Variants in RNF217 observed in about 807,000 individuals in gnomAD.
RNF217 encodes the protein ring finger protein 217.
RNF217 carries 31 observed loss-of-function variants against 57.8 expected under a neutral mutation model. That is an observed-to-expected ratio of 0.54 (90% confidence interval 0.40 to 0.72). RNF217 has a LOEUF of 0.72. Among genes scored for constraint, RNF217 ranks in the 30% least tolerant of loss-of-function variants. The probability of loss-of-function intolerance (pLI) is 0.00; values close to 1 mark genes in which losing one functional copy is unlikely to be tolerated. For missense variants in RNF217, 696 were observed against 708.3 expected (o/e 0.98, Z 0.20); for synonymous variants, 313 against 294.0 (o/e 1.06, Z -0.66).
chr6:125,064,837 C>T (rs960915502), intron 3 of RNF217, among the ~76,000 whole-genome samples: 2 of 151,340 alleles, frequency 1.3e-5, no homozygotes, highest in South Asian at 2.1e-4. Flanking sequence ...TGTGTATGTA[C>T]GTGTGTATAT....
At chr6:124,990,105 T>C (rs1326665388) in intron 1 of RNF217, among the ~76,000 whole-genome samples, 2 of 152,224 alleles carry the variant, frequency 1.3e-5, no homozygotes, top group Non-Finnish European at 2.9e-5. Flanking sequence ...TATCACTCTA[T>C]CCTCCTTGAA....
At chr6:124,994,601 A>G (rs888611858) in intron 1 of RNF217, among the ~76,000 whole-genome samples, 1 of 152,136 alleles carries the variant, frequency 6.6e-6, no homozygotes, top group African/African-American at 2.4e-5. Context: ...TTGGAGAAAA[A>G]AAAGTTAGTT....
intron 3 of RNF217, among the ~76,000 whole-genome samples, chr6:125,060,458 A>G (rs2114594597): frequency 1.3e-5 from 2 of 151,992 alleles, no homozygotes; most frequent in East Asian, 3.9e-4. Flanking sequence ...TTATTTATTT[A>G]TTTTGAGACA....
chr6:124,975,568 C>T (rs1783925703), intron 1 of RNF217, among the ~76,000 whole-genome samples: 1 of 152,078 alleles, frequency 6.6e-6, no homozygotes, highest in African/African-American at 2.4e-5. Flanking sequence ...ATAGCTGGGA[C>T]TATAGGCGTG....
intron 3 of RNF217, among the ~76,000 whole-genome samples, chr6:125,062,646 G>A (rs867725423): frequency 5.3e-5 from 8 of 151,818 alleles, no homozygotes; most frequent in East Asian, 1.9e-4. Context: ...GTGCTATCTC[G>A]GCTCACTGCA....
intron 1 of RNF217, among the ~76,000 whole-genome samples, chr6:124,969,915 G>C (rs1659216519): frequency 6.6e-6 from 1 of 152,124 alleles, no homozygotes; most frequent in South Asian, 2.1e-4. Context: ...TTTTTGAGAA[G>C]AGATCTTCAT....
chr6:125,021,388 C>T (rs895216455), intron 1 of RNF217, among the ~76,000 whole-genome samples: 2 of 151,800 alleles, frequency 1.3e-5, no homozygotes, highest in African/African-American at 4.8e-5. Context: ...GCCTCAGCCT[C>T]CCAAGTAGCT....
At chr6:125,035,853 G>T (rs1324238589) in intron 1 of RNF217, among the ~76,000 whole-genome samples, 1 of 145,298 alleles carries the variant, frequency 6.9e-6, no homozygotes, top group Non-Finnish European at 1.5e-5. Flanking sequence ...TTTTGTTTTT[G>T]TTTGTTTGTT....
chr6:125,082,573 A>G (rs377062378), intron 5 of RNF217: 2 of 1,609,316 alleles, frequency 1.2e-6, no homozygotes, highest in Non-Finnish European at 1.7e-6. Context: ...TGTGAGTATC[A>G]TAGTGTGCAA....
chr6:124,970,687 A>T (rs991337334), intron 1 of RNF217, among the ~76,000 whole-genome samples: 1 of 152,162 alleles, frequency 6.6e-6, no homozygotes, highest in Non-Finnish European at 1.5e-5. Context: ...TCACCTGTGG[A>T]GGGAGTGTCA....
At chr6:125,072,332 G>A (rs1188883840) in intron 3 of RNF217, among the ~76,000 whole-genome samples, 8 of 152,000 alleles carry the variant, frequency 5.3e-5, no homozygotes, top group Admixed American at 6.6e-5. Context: ...AATTTTTTCC[G>A]TGATTATGTG....
intron 1 of RNF217, among the ~76,000 whole-genome samples, chr6:125,036,041 G>A (rs528626944): frequency 2.4e-4 from 36 of 151,958 alleles, no homozygotes; most frequent in Non-Finnish European, 4.7e-4. Context: ...AGCCCCGCAT[G>A]CGATAGTTAT....
intron 3 of RNF217, among the ~76,000 whole-genome samples, chr6:125,072,603 CAG>C (rs1788190568): frequency 2.0e-5 from 3 of 152,040 alleles, no homozygotes; most frequent in African/African-American, 7.2e-5. Context: ...ATATTACAAA[CAG>C]ATATAAAATT....
intron 1 of RNF217, among the ~76,000 whole-genome samples, chr6:125,039,096 T>A (rs1159045421): frequency 6.6e-6 from 1 of 152,046 alleles, no homozygotes; most frequent in Non-Finnish European, 1.5e-5. Context: ...TGAGAACATG[T>A]GATGTTTGGT....
intron 1 of RNF217, among the ~76,000 whole-genome samples, chr6:124,982,694 T>G (rs2115018886): frequency 6.6e-6 from 1 of 152,340 alleles, no homozygotes; most frequent in East Asian, 1.9e-4. Context: ...AAACAATTGC[T>G]TTATGTGCCT....
At chr6:125,045,532 A>G in intron 2 of RNF217, 88 bp downstream of exon 2, 1 of 912,816 alleles carries the variant, frequency 1.1e-6, no homozygotes, top group South Asian at 1.7e-5. Flanking sequence ...TTAAGGGGGC[A>G]TCTTTCCTTT....
chr6:125,017,538 A>G (rs1371205464), intron 1 of RNF217, among the ~76,000 whole-genome samples: 1 of 152,234 alleles, frequency 6.6e-6, no homozygotes, highest in African/African-American at 2.4e-5. Flanking sequence ...AGGATAACCT[A>G]TCTTGGGGAA....
chr6:124,996,329 ATAAT>A (rs1416421200), intron 1 of RNF217, among the ~76,000 whole-genome samples: 1 of 151,772 alleles, frequency 6.6e-6, no homozygotes, highest in Non-Finnish European at 1.5e-5. Flanking sequence ...ATTTTTGAAG[ATAAT>A]TTATGTTTTC....
intron 2 of RNF217, chr6:125,046,730 G>T (rs967476687): frequency 1.1e-5 from 5 of 454,384 alleles, no homozygotes; most frequent in Non-Finnish European, 2.2e-5. Context: ...GCTTTGAGGG[G>T]ACCATGGTTT....
Sources: allele counts gnomAD v4.1 joint callset (sites outside exome capture counted in the v4.1 genomes callset), GRCh38; gene constraint gnomAD v4.1.1; transcripts MANE v1.5; gene names NCBI Gene and HGNC (gene_info 2026-07-23, HGNC 2026-07-21).